TGFB2: variants seen among roughly 807,000 people sequenced by gnomAD.
TGFB2 encodes transforming growth factor beta-2 proprotein.
TGFB2 carries 13 observed loss-of-function variants against 42.7 expected under a neutral mutation model. That is an observed-to-expected ratio of 0.30 (90% confidence interval 0.20 to 0.48). The LOEUF (loss-of-function observed/expected upper bound fraction) is 0.48. TGFB2 is among the 20% of genes least tolerant of loss of function. The pLI is 0.99. For synonymous variants in TGFB2, 193 were observed against 193.6 expected, an observed-to-expected ratio of 1.00 and a Z score of 0.03; for missense variants, 390 against 517.5, an observed-to-expected ratio of 0.75 and a Z score of 2.39.
At position 218,441,356 on chromosome 1, in the gene TGFB2, C is replaced by T. The variant is rs141225367; in HGVS notation, c.1239C>T (p.Cys413=). 6.0e-4 allele frequency: 952 copies of T among 1,597,108 alleles called. 6 individuals are homozygous for T. The African/African-American group carries it at 0.011, about 19-fold the overall frequency. The change falls in exon 7 of 7, where the codon TGC becomes TGT. Residue 413 remains cysteine (C), a synonymous_variant. Coordinates refer to ENST00000366930, the MANE Select transcript of TGFB2 (RefSeq NM_003238.6). ...LSNMIVKSCK[C]S is the part of the protein sequence containing the mutation. ...ATATGATTGTAAAGTCTTGCAAATG[C>T]AGCTAAAATTCTTGGAAAAGTGGCA...
chr1:218,441,210 A>G lies in TGFB2; in HGVS notation c.1093A>G (p.Ser365Gly). The G allele has an allele frequency of 3.1e-6, 5 of 1,609,848 alleles. No homozygotes were observed. Among genetic ancestry groups the G allele is most frequent in the Non-Finnish European group, 4.2e-6 (5 of 1,179,028 alleles). Residue 365 changes from serine (S) to glycine (G), a missense_variant, in exon 7 of 7, where the codon AGC becomes GGC. Ser to Gly is a moderately conservative substitution (Grantham distance 56, BLOSUM62 0). Coordinates refer to ENST00000366930, the MANE Select transcript of TGFB2 (RefSeq NM_003238.6). ...CTCTCCTGTGTCCTTTCAGGTCCTG[A>G]GCTTATATAATACCATAAATCCAGA... ...SSDTQHSRVL[S>G]LYNTINPEAS...
intron 1 of TGFB2, among the ~76,000 whole-genome samples, chr1:218,401,757 G>C (rs1017136610): frequency 6.6e-6 from 1 of 152,186 alleles, no homozygotes; most frequent in Non-Finnish European, 1.5e-5. Context: ...AAGACTAAGC[G>C]GGTGGATCAG....
At position 218,441,454 on chromosome 1, in the gene TGFB2, A is replaced by G. The variant is rs1004581737; in HGVS notation, c.*92A>G. The G allele has an allele frequency of 5.7e-6, 8 of 1,392,878 alleles. No individual in the cohort carries two copies. In the African/African-American group the frequency reaches 8.7e-5, roughly 15 times the overall value. The allele number at this position is 1,392,878 out of a possible 1,614,324, so 86.3% of individuals were successfully genotyped here. On this transcript the variant is annotated 3_prime_UTR_variant, in exon 7 of 7. Coordinates refer to ENST00000366930, the MANE Select transcript of TGFB2 (RefSeq NM_003238.6). Reference sequence around the variant, plus strand: ...ATGATGCTTGTAACAAGAAAACATAAGAGAGCCTTGGTTCATCAGTGTTAA... The same window carrying G: ...ATGATGCTTGTAACAAGAAAACATAGGAGAGCCTTGGTTCATCAGTGTTAA...
intron 1 of TGFB2, among the ~76,000 whole-genome samples, chr1:218,404,240 G>A (rs1008498335): frequency 1.3e-5 from 2 of 152,136 alleles, no homozygotes; most frequent in African/African-American, 4.8e-5. Context: ...AGTCTCCGGA[G>A]TAGATGGGAT....
intron 1 of TGFB2, among the ~76,000 whole-genome samples, chr1:218,352,175 C>CCGAG (rs1057436121): frequency 6.8e-6 from 1 of 146,002 alleles, no homozygotes; most frequent in African/African-American, 2.5e-5. Flanking sequence ...AGGTGAGCAG[C>CCGAG]CGAGCAAGAG....
intron 1 of TGFB2, among the ~76,000 whole-genome samples, chr1:218,380,440 T>C (rs577444976): frequency 6.6e-6 from 1 of 152,106 alleles, no homozygotes; most frequent in Non-Finnish European, 1.5e-5. Context: ...TGCAAAGTTC[T>C]CTTTAGATGG....
chr1:218,433,842 C>A (rs1311928093), intron 2 of TGFB2, among the ~76,000 whole-genome samples: 1 of 152,168 alleles, frequency 6.6e-6, no homozygotes, highest in Non-Finnish European at 1.5e-5. Flanking sequence ...AGACACTTGG[C>A]TTTATGGTTC....
chr1:218,436,274 C>A, intron 5 of TGFB2, 127 bp downstream of exon 5: 1 of 835,776 alleles, frequency 1.2e-6, no homozygotes, highest in Non-Finnish European at 1.8e-6. Flanking sequence ...TGCAGTACAG[C>A]TCCTGTGTCT....
At chr1:218,390,554 A>G (rs1203152105) in intron 1 of TGFB2, among the ~76,000 whole-genome samples, 2 of 152,178 alleles carry the variant, frequency 1.3e-5, no homozygotes, top group Non-Finnish European at 2.9e-5. Context: ...AAGCTAAACT[A>G]TAGGGGCTTG....
At chr1:218,355,581 C>A (rs1213700721) in intron 1 of TGFB2, among the ~76,000 whole-genome samples, 2 of 152,162 alleles carry the variant, frequency 1.3e-5, no homozygotes, top group Admixed American at 1.3e-4. Flanking sequence ...CTGCCACTGT[C>A]GGCTTTGCAG....
intron 1 of TGFB2, among the ~76,000 whole-genome samples, chr1:218,358,534 C>T (rs947897791): frequency 1.3e-5 from 2 of 148,876 alleles, no homozygotes; most frequent in Non-Finnish European, 3.0e-5. Context: ...TTTCTACTTC[C>T]TTTATAGTGA....
chr1:218,433,547 A>G (rs965082610), intron 2 of TGFB2, among the ~76,000 whole-genome samples: 3 of 152,236 alleles, frequency 2.0e-5, no homozygotes, highest in African/African-American at 7.2e-5. Context: ...ACTTACCTCA[A>G]AAGCTGAGGC....
rs769913843 is a variant in TGFB2 at position 218,346,863 on chromosome 1, A to G, written c.162A>G (p.Pro54=). 1.2e-6 allele frequency: 2 copies of G among 1,614,148 alleles called. No individual in the cohort carries two copies. The highest frequency in any genetic ancestry group is 2.2e-5 in the East Asian group (1 of 44,860). The change falls in exon 1 of 7, where the codon CCA becomes CCG. Residue 54 remains proline, a synonymous_variant. Coordinates refer to ENST00000366930, the MANE Select transcript of TGFB2 (RefSeq NM_003238.6). This position sits in a 1 kb window ranked among gnomAD's most constrained non-coding sequence, Gnocchi z 4.9. Reference sequence around the variant, plus strand: ...GCAAGCTGAAGCTCACCAGTCCCCCAGAAGACTATCCTGAGCCCGAGGAAG... The same window carrying G: ...GCAAGCTGAAGCTCACCAGTCCCCCGGAAGACTATCCTGAGCCCGAGGAAG... The part of the protein sequence containing the change: ...ILSKLKLTSP[P]EDYPEPEEVP...
intron 1 of TGFB2, among the ~76,000 whole-genome samples, chr1:218,369,219 C>T (rs1018356159): frequency 2.3e-5 from 3 of 130,288 alleles, no homozygotes; most frequent in African/African-American, 8.9e-5. Flanking sequence ...CGTGCCTCTT[C>T]ACTCCAGCCT....
rs547427223 is a variant in TGFB2, at chr1:218,400,307, G to A, written c.347-4862G>A. Among the ~76,000 whole-genome samples, 12 of 151,770 alleles carry A rather than the reference G, an allele frequency of 7.9e-5. No homozygotes were observed. In the South Asian group the frequency reaches 2.3e-3, roughly 29 times the overall value. On this transcript the variant is annotated intron_variant, in intron 1 of 6. Coordinates refer to ENST00000366930, the MANE Select transcript of TGFB2 (RefSeq NM_003238.6). The stretch of plus-strand genomic sequence containing the variant: ...TGGTCTCCCTCTCTCTGTCTCTCTC[G>A]CTCTCCAACTGTCACGGTGTTTTTT...
chr1:218,390,708 A>G (rs1262987615), intron 1 of TGFB2, among the ~76,000 whole-genome samples: 34 of 152,372 alleles, frequency 2.2e-4, no homozygotes, highest in Non-Finnish European at 5.9e-5. Flanking sequence ...CTTGAAGAAC[A>G]GAAAGCTGCT....
intron 2 of TGFB2, among the ~76,000 whole-genome samples, chr1:218,411,585 A>G (rs1005755980): frequency 6.6e-6 from 1 of 152,202 alleles, no homozygotes; most frequent in African/African-American, 2.4e-5. Context: ...AAAACAGCCC[A>G]GAGGCTGGGC....
chr1:218,368,798 G>A (rs1657473995), intron 1 of TGFB2, among the ~76,000 whole-genome samples: 1 of 152,200 alleles, frequency 6.6e-6, no homozygotes, highest in African/African-American at 2.4e-5. Context: ...TGGTTCTGTT[G>A]TGACATGTTC....
rs1411033354 is a variant in TGFB2 at position 218,441,926 on chromosome 1, A to T, written c.*564A>T. 6.6e-6 allele frequency: 1 copy of T among 152,214 alleles called. No homozygotes were observed. Among genetic ancestry groups the T allele is most frequent in the African/African-American group, 2.4e-5 (1 of 41,454 alleles). 9.4% of individuals were successfully genotyped at this position (152,214 alleles called of 1,614,324 possible). A position where few individuals can be genotyped will look rare whatever the true frequency, so the allele number is the denominator to read the frequency against. On this transcript the variant is annotated 3_prime_UTR_variant, in exon 7 of 7. Coordinates refer to ENST00000366930, the MANE Select transcript of TGFB2 (RefSeq NM_003238.6). ...AGACCAAATACTTTGCCAGAAACTC[A>T]TGGATGGCTTAAGGAACTTGAACTC...
Sources: allele counts gnomAD v4.1 joint callset (sites outside exome capture counted in the v4.1 genomes callset), GRCh38; gene constraint gnomAD v4.1.1; non-coding constraint Gnocchi (gnomAD v3.1); transcripts MANE v1.5; gene names NCBI Gene and HGNC (gene_info 2026-07-23, HGNC 2026-07-21).